LRP1B: variants seen among roughly 807,000 people sequenced by gnomAD.
LRP1B encodes low-density lipoprotein receptor-related protein 1B.
In LRP1B, 217 loss-of-function variants were observed where a neutral mutation model predicts 556.6. The observed-to-expected ratio is 0.39, with a 90% CI of 0.35 to 0.44. LRP1B has a LOEUF of 0.44. Ranked by LOEUF, LRP1B falls within the 20% of genes least tolerant of loss-of-function variation. The pLI, the probability that LRP1B is intolerant of heterozygous loss-of-function variation, is 1.00. For missense variants in LRP1B, 5,053 were observed against 5,620.8 expected, an observed-to-expected ratio of 0.90 and a Z score of 3.23; for synonymous variants, 2,047 against 1,865.8, an observed-to-expected ratio of 1.10 and a Z score of -2.50.
intron 32 of LRP1B, among the ~76,000 whole-genome samples, chr2:140,794,611 C>G (rs563205734): frequency 1.3e-5 from 2 of 150,240 alleles, no homozygotes; most frequent in Non-Finnish European, 3.0e-5. Context: ...TGTTATATAG[C>G]CACTTTCTTT....
At chr2:141,882,749 C>A (rs957263993) in intron 1 of LRP1B, among the ~76,000 whole-genome samples, 2 of 152,096 alleles carry the variant, frequency 1.3e-5, no homozygotes, top group African/African-American at 2.4e-5. Flanking sequence ...GCTCTGTCAC[C>A]CAAACTGGAG....
chr2:141,073,722 C>T (rs908809650), intron 7 of LRP1B, among the ~76,000 whole-genome samples: 2 of 152,010 alleles, frequency 1.3e-5, no homozygotes, highest in Admixed American at 6.6e-5. Context: ...TGGCAAAAAG[C>T]GCTTCCTTCT....
chr2:141,285,857 G>A lies in LRP1B; in HGVS notation c.344-31216C>T, dbSNP rs1157824896. On this transcript the variant is annotated intron_variant, in intron 3 of 90. Transcript: ENST00000389484. ...CGAGGCGGGCGGATCACGAGGTCAG[G>A]AGATCGAGACCATCCCGGCTACAAC... 4.0e-5 allele frequency among the ~76,000 whole-genome samples: 6 copies of A among 148,596 alleles called. No homozygotes were observed. The East Asian group carries it at 8.2e-4, about 20-fold the overall frequency.
intron 1 of LRP1B, among the ~76,000 whole-genome samples, chr2:141,848,161 G>A (rs1697718549): frequency 6.6e-6 from 1 of 151,462 alleles, no homozygotes; most frequent in South Asian, 2.1e-4. Flanking sequence ...AATACCAATT[G>A]TTTATGATAA....
chr2:140,978,861 G>A (rs554146437), intron 18 of LRP1B, among the ~76,000 whole-genome samples: 2 of 152,278 alleles, frequency 1.3e-5, no homozygotes, highest in South Asian at 2.1e-4. Context: ...CTAGTTTACC[G>A]ATACTCTGTA....
chr2:140,279,911 T>C (rs1682845718), intron 84 of LRP1B, among the ~76,000 whole-genome samples: 1 of 151,918 alleles, frequency 6.6e-6, no homozygotes, highest in Admixed American at 6.6e-5. Flanking sequence ...GTAGCCTTTA[T>C]AAAAGATAGA....
At chr2:141,049,292 C>A in intron 10 of LRP1B, 70 bp from the exon 11 acceptor site, 1 of 952,348 alleles carries the variant, frequency 1.1e-6, no homozygotes, top group Non-Finnish European at 1.7e-6. Context: ...ATAATGCCAC[C>A]GTTTAACTGG....
At chr2:141,004,615 TTCTC>T (rs746972698) in intron 15 of LRP1B, among the ~76,000 whole-genome samples, 39 of 152,184 alleles carry the variant, frequency 2.6e-4, no homozygotes, top group African/African-American at 7.7e-4. Context: ...ATAATAAATC[TTCTC>T]TCTATGTATT....
At chr2:141,637,630 G>A (rs562524570) in intron 2 of LRP1B, among the ~76,000 whole-genome samples, 2 of 152,342 alleles carry the variant, frequency 1.3e-5, no homozygotes, top group African/African-American at 2.4e-5. Context: ...ACAATGTAAG[G>A]CAGTATCAAT....
chr2:141,252,340 A>G (rs986049048), intron 4 of LRP1B, among the ~76,000 whole-genome samples: 1 of 152,208 alleles, frequency 6.6e-6, no homozygotes, highest in Non-Finnish European at 1.5e-5. Context: ...ATGAGAAAGC[A>G]AAAATATTGC....
At chr2:140,353,211 C>A in intron 75 of LRP1B, 139 bp from the exon 76 acceptor site, 1 of 759,560 alleles carries the variant, frequency 1.3e-6, no homozygotes, top group Non-Finnish European at 2.1e-6. Context: ...CTGTGACCTG[C>A]TGTGTCATAT....
chr2:140,388,991 C>A (rs1683890882), intron 66 of LRP1B, among the ~76,000 whole-genome samples: 1 of 152,102 alleles, frequency 6.6e-6, no homozygotes, highest in Non-Finnish European at 1.5e-5. Flanking sequence ...ATATATATTT[C>A]CATGTTATAT....
intron 1 of LRP1B, among the ~76,000 whole-genome samples, chr2:141,886,684 A>T (rs1699123608): frequency 6.6e-6 from 1 of 152,132 alleles, no homozygotes; most frequent in Non-Finnish European, 1.5e-5. Flanking sequence ...AAATCAGTCA[A>T]ATTATTTTTA....
At chr2:141,954,284 G>A (rs1701188980) in intron 1 of LRP1B, among the ~76,000 whole-genome samples, 1 of 151,994 alleles carries the variant, frequency 6.6e-6, no homozygotes, top group Admixed American at 6.6e-5. Flanking sequence ...ACATGAAGCT[G>A]GATGCTACCT....
chr2:141,674,705 G>C (rs1164064738), intron 2 of LRP1B, among the ~76,000 whole-genome samples: 1 of 151,924 alleles, frequency 6.6e-6, no homozygotes, highest in Non-Finnish European at 1.5e-5. Flanking sequence ...CCTTATAAAA[G>C]TGAAGAACTT....
rs540921765 is a variant in LRP1B at position 140,326,730 on chromosome 2, ATAAACAG to A, written c.12224-859_12224-853del. Among the ~76,000 whole-genome samples, 344 of 152,190 alleles carry A rather than the reference ATAAACAG, an allele frequency of 2.3e-3. 4 individuals are homozygous for A. The highest frequency in any genetic ancestry group is 8.0e-3 in the African/African-American group (334 of 41,540). The stretch of plus-strand genomic sequence containing the variant: ...AAAAAAATGTTTATGGTAGGGAAGA[ATAAACAG>A]TAAAGTTCTCGATTAAGGTTCTAGT... On this transcript the variant is annotated intron_variant, in intron 79 of 90. Transcript: ENST00000389484.
At chr2:140,885,151 T>C (rs1693596694) in intron 24 of LRP1B, among the ~76,000 whole-genome samples, 1 of 152,164 alleles carries the variant, frequency 6.6e-6, no homozygotes, top group African/African-American at 2.4e-5. Context: ...ATCCTATGAA[T>C]CTAAATCCAT....
At chr2:140,460,891 T>A (rs867365089) in intron 60 of LRP1B, among the ~76,000 whole-genome samples, 20 of 152,018 alleles carry the variant, frequency 1.3e-4, no homozygotes, top group South Asian at 1.0e-3. Flanking sequence ...AAAGAAATAC[T>A]TCTTTTGGGA....
chr2:141,071,865 A>T (rs1384466730), intron 7 of LRP1B, among the ~76,000 whole-genome samples: 1 of 152,188 alleles, frequency 6.6e-6, no homozygotes, highest in Non-Finnish European at 1.5e-5. Context: ...GTATACAAAC[A>T]AATGGAAGAA....
Sources: gnomAD v4.1 joint callset for allele counts (sites outside exome capture counted in the v4.1 genomes callset) on GRCh38, gnomAD v4.1.1 for gene constraint, MANE v1.5 for transcripts, NCBI Gene and HGNC (gene_info 2026-07-23, HGNC 2026-07-21) for gene names.